The following ENPP7 variants were observed in gnomAD, a reference collection of about 807,000 sequenced individuals.
The protein encoded by ENPP7 is ectonucleotide pyrophosphatase/phosphodiesterase 7.
ENPP7 carries 39 observed loss-of-function variants against 33.6 expected under a neutral mutation model. The ratio of observed to expected loss-of-function variants is 1.16; its 90% CI spans 0.90 to 1.52. The LOEUF (loss-of-function observed/expected upper bound fraction) is 1.52. Among genes scored for constraint, ENPP7 ranks in the 40% most tolerant of loss-of-function variants. The probability of loss-of-function intolerance (pLI) is 0.00; values close to 1 mark genes in which losing one functional copy is unlikely to be tolerated. For missense variants in ENPP7, 594 were observed against 641.0 expected, an observed-to-expected ratio of 0.93 and a Z score of 0.79; for synonymous variants, 244 against 274.3, an observed-to-expected ratio of 0.89 and a Z score of 1.09.
chr17:79,736,330 C>T (rs748091451), intron 3 of ENPP7, among the ~76,000 whole-genome samples: 29 of 152,216 alleles, frequency 1.9e-4, no homozygotes, highest in Non-Finnish European at 2.2e-4. Context: ...TGAGCCACTG[C>T]GTCTGGCCTC....
rs376245774 is a variant in ENPP7 at position 79,735,130 on chromosome 17, G to A, written c.487G>A (p.Ala163Thr). ...GACGCGGAGCCGGAAAGAAGGCATCGCACACAACTACAAAAATGAGACGGA... is the reference window on the plus strand; with the variant it reads ...GACGCGGAGCCGGAAAGAAGGCATCACACACAACTACAAAAATGAGACGGA... ...AVTRSRKEGI[A>T]HNYKNETEWR... The change falls in exon 3 of 6, where the codon GCA becomes ACA. Residue 163 changes from alanine (A) to threonine (T), a missense_variant. Physicochemically the swap from Ala to Thr is moderately conservative, Grantham distance 58. Transcript: ENST00000328313. This position sits in a 1 kb window ranked among gnomAD's most constrained non-coding sequence, Gnocchi z 5.5. 12 of 1,612,992 alleles carry A rather than the reference G, an allele frequency of 7.4e-6. No individual in the cohort carries two copies. The highest frequency in any genetic ancestry group is 4.4e-5 in the South Asian group (4 of 91,090).
intron 3 of ENPP7, among the ~76,000 whole-genome samples, chr17:79,736,582 A>T (rs1285514608): frequency 6.8e-6 from 1 of 146,318 alleles, no homozygotes; most frequent in African/African-American, 2.6e-5. Flanking sequence ...TGTGCGTCCT[A>T]CGTGTCCAGG....
rs957382839 is a variant in ENPP7, at chr17:79,735,711, C to T, written c.1026+42C>T. On this transcript the variant is annotated intron_variant, in intron 3 of 5. Transcript: ENST00000328313. The surrounding 1 kb of genome is among the most constrained non-coding windows in gnomAD (Gnocchi z 5.5). ...AGGCACCACCTCCAGGGGCTCCCTC[C>T]CCAGGCTCTGGGTCTTCTTTTTTTT... is the stretch of plus-strand genomic sequence containing the variant. 3 of 1,551,064 alleles carry T rather than the reference C, an allele frequency of 1.9e-6. No individual in the cohort carries two copies. Among genetic ancestry groups the T allele is most frequent in the Non-Finnish European group, 2.6e-6 (3 of 1,151,076 alleles).
chr17:79,740,601 T>C (rs1192674741), intron 5 of ENPP7, among the ~76,000 whole-genome samples: 1 of 152,170 alleles, frequency 6.6e-6, no homozygotes, highest in South Asian at 2.1e-4. Flanking sequence ...TCAGAAAAAG[T>C]CATTATTCAG....
chr17:79,732,605 C>A (rs1397245572), intron 1 of ENPP7, among the ~76,000 whole-genome samples: 2 of 152,180 alleles, frequency 1.3e-5, no homozygotes, highest in African/African-American at 2.4e-5. Context: ...CATTCCTGGG[C>A]TGGCGGCAGC....
intron 1 of ENPP7, 145 bp from the exon 2 acceptor site, chr17:79,733,363 C>T (rs2094289680): frequency 1.3e-6 from 1 of 775,084 alleles, no homozygotes. Context: ...GAAGTCTGCT[C>T]CCCCCAGCCC....
rs1404270437 is a variant in ENPP7 at position 79,742,141 on chromosome 17, G to GA, written c.*365dup. On this transcript the variant is annotated 3_prime_UTR_variant, in exon 6 of 6. Coordinates refer to ENST00000328313, the MANE Select transcript of ENPP7 (RefSeq NM_178543.5). ...AGCTCTGCGGGCGCTGGAACCTGCA[G>GA]ACCCGGCCTCGGTCAGCTGGGAGGG... 1 of 168,774 alleles carries GA rather than the reference G, an allele frequency of 5.9e-6. No homozygotes were observed. The highest frequency in any genetic ancestry group is 1.2e-5 in the Non-Finnish European group (1 of 83,192). 10.5% of individuals were successfully genotyped at this position (168,774 alleles called of 1,614,324 possible). A position where few individuals can be genotyped will look rare whatever the true frequency, so the allele number is the denominator to read the frequency against.
At position 79,738,176 on chromosome 17, in the gene ENPP7, A is replaced by T; in HGVS notation, c.*16+114A>T. On this transcript the variant is annotated intron_variant, in intron 5 of 5. Transcript: ENST00000328313. This position sits in a 1 kb window ranked among gnomAD's most constrained non-coding sequence, Gnocchi z 6.2. ...AGAACAGAGCTGCCAGGCCCCGCCA[A>T]GCAGGTGACTCCCACTGACCTGGCT... is the stretch of plus-strand genomic sequence containing the variant. The T allele has an allele frequency of 9.0e-7, 1 of 1,106,674 alleles. No homozygotes were observed. The highest frequency in any genetic ancestry group is 1.3e-6 in the Non-Finnish European group (1 of 769,748). The allele number at this position is 1,106,674 out of a possible 1,614,324, so 68.6% of individuals were successfully genotyped here. A position where few individuals can be genotyped will look rare whatever the true frequency, so the allele number is the denominator to read the frequency against.
Position 79,741,986 on chromosome 17 carries a change from G to A in ENPP7, c.*209G>A. On this transcript the variant is annotated 3_prime_UTR_variant, in exon 6 of 6. Transcript: ENST00000328313. ...CTCGCAGCCCAGGTCCAGAGCCCCC[G>A]GCGAGCCGGTCCCATAACCGGCCCC... 1 of 984,348 alleles carries A rather than the reference G, an allele frequency of 1.0e-6. No homozygotes were observed. The allele number at this position is 984,348 out of a possible 1,614,324, so 61.0% of individuals were successfully genotyped here.
In ENPP7 at chr17:79,735,535, G is replaced by A. The variant is rs782599171; in HGVS notation, c.892G>A (p.Asp298Asn). The A allele has an allele frequency of 1.4e-5, 22 of 1,613,806 alleles. No homozygotes were observed. Among genetic ancestry groups the A allele is most frequent in the South Asian group, 4.4e-5 (4 of 91,082 alleles). Reference protein sequence around the residue: ...PKEGRLEKVYDALKDAHPKLH... With the variant: ...PKEGRLEKVYNALKDAHPKLH... ...AGAAGGGAGGCTGGAGAAGGTGTAC[G>A]ATGCCCTCAAGGACGCCCACCCCAA... The change falls in exon 3 of 6, where the codon GAT becomes AAT. Residue 298 changes from aspartate (D) to asparagine (N), a missense_variant. By Grantham distance (23) the Asp-to-Asn change is conservative. Transcript: ENST00000328313. The surrounding 1 kb of genome is among the most constrained non-coding windows in gnomAD (Gnocchi z 5.5).
Position 79,731,310 on chromosome 17 carries a change from G to A in ENPP7, c.171G>A (p.Met57Ile), listed in dbSNP as rs2094284895. Reference sequence around the variant, plus strand: ...TGGACACCCCCAACCTGGACGCCATGGCCCGAGACGGGGTGAAGGCACGCT... The same window carrying A: ...TGGACACCCCCAACCTGGACGCCATAGCCCGAGACGGGGTGAAGGCACGCT... ...QDVDTPNLDA[M>I]ARDGVKARYM... Residue 57 changes from methionine to isoleucine, a missense_variant, in exon 1 of 6, where the codon ATG becomes ATA. Met to Ile is a conservative substitution (Grantham distance 10). Coordinates refer to ENST00000328313, the MANE Select transcript of ENPP7 (RefSeq NM_178543.5). 6.2e-7 allele frequency: 1 copy of A among 1,613,932 alleles called. No individual in the cohort carries two copies. The highest frequency in any genetic ancestry group is 1.7e-5 in the Admixed American group (1 of 60,022).
chr17:79,732,134 A>ATATATATATACATATATATATATG (rs2094287240), intron 1 of ENPP7, among the ~76,000 whole-genome samples: 2 of 60,098 alleles, frequency 3.3e-5, no homozygotes, highest in Admixed American at 2.0e-4. Context: ...ATATATATGT[A>ATATATATATACATATATATATATG]TATATATATA....
rs1555824013 is a variant in ENPP7 at position 79,738,075 on chromosome 17, G to A, written c.*16+13G>A. ...CCCATGGCTCAAGGTCAGAGACCCA[G>A]AAGGCAGAGGCGGGAGGGTGGCCCC... On this transcript the variant is annotated intron_variant, in intron 5 of 5. Transcript: ENST00000328313. The surrounding 1 kb of genome is among the most constrained non-coding windows in gnomAD (Gnocchi z 6.2). 1.2e-6 allele frequency: 2 copies of A among 1,602,982 alleles called. No individual in the cohort carries two copies.
In ENPP7 at chr17:79,733,581, C is replaced by T; in HGVS notation, c.327C>T (p.Tyr109=). The T allele has an allele frequency of 6.2e-7, 1 of 1,613,592 alleles. No individual in the cohort carries two copies. The highest frequency in any genetic ancestry group is 2.2e-5 in the East Asian group (1 of 44,890). Residue 109 remains tyrosine, a synonymous_variant, in exon 2 of 6, where the codon TAC becomes TAT. Transcript: ENST00000328313. The part of the protein sequence containing the change: ...YNTTSKVKLP[Y]HATLGIQRWW... ...CCACCAGCAAGGTGAAGCTGCCCTA[C>T]CACGCCACGCTGGGCATCCAGAGGT...
At chr17:79,736,534 GGCGT>G (rs1454665248) in intron 3 of ENPP7, among the ~76,000 whole-genome samples, 2 of 110,902 alleles carry the variant, frequency 1.8e-5, no homozygotes, top group African/African-American at 1.1e-4. Flanking sequence ...CTGTGTGATA[GGCGT>G]GTGTGTGTGT....
intron 1 of ENPP7, 107 bp downstream of exon 1, chr17:79,731,499 C>A: frequency 7.5e-7 from 1 of 1,340,980 alleles, no homozygotes; most frequent in Non-Finnish European, 1.0e-6. Flanking sequence ...GCTCCAGGCA[C>A]AGGACAGAGC....
intron 2 of ENPP7, 85 bp downstream of exon 2, chr17:79,733,738 G>A (rs1436364638): frequency 2.4e-5 from 33 of 1,394,832 alleles, no homozygotes; most frequent in Middle Eastern, 2.5e-4. Flanking sequence ...TGAGATCCAC[G>A]GCAGGTCCCT....
chr17:79,735,728 C>A lies in ENPP7; in HGVS notation c.1026+59C>A. 4.8e-6 allele frequency: 6 copies of A among 1,244,936 alleles called. No homozygotes were observed. Among genetic ancestry groups the A allele is most frequent in the Non-Finnish European group, 6.5e-6 (6 of 918,518 alleles). 77.1% of individuals were successfully genotyped at this position (1,244,936 alleles called of 1,614,324 possible). ...GCTCCCTCCCCAGGCTCTGGGTCTT[C>A]TTTTTTTTTTTTTGAGACCAGGGTC... is the stretch of plus-strand genomic sequence containing the variant. On this transcript the variant is annotated intron_variant, in intron 3 of 5. Transcript: ENST00000328313. This position sits in a 1 kb window ranked among gnomAD's most constrained non-coding sequence, Gnocchi z 5.5.
chr17:79,739,165 G>T lies in ENPP7; in HGVS notation c.*16+1103G>T, dbSNP rs1291764739. 1 of 152,890 alleles carries T rather than the reference G, an allele frequency of 6.5e-6. No individual in the cohort carries two copies. The highest frequency in any genetic ancestry group is 1.5e-5 in the Non-Finnish European group (1 of 68,398). 9.5% of individuals were successfully genotyped at this position (152,890 alleles called of 1,614,324 possible). ...AGCCAGACACACCAGGCAGGGGAAAGAGCCAGGGACAGGCCCGCGGTGGGA... is the reference window on the plus strand; with the variant it reads ...AGCCAGACACACCAGGCAGGGGAAATAGCCAGGGACAGGCCCGCGGTGGGA... On this transcript the variant is annotated intron_variant, in intron 5 of 5. Transcript: ENST00000328313. This position sits in a 1 kb window ranked among gnomAD's most constrained non-coding sequence, Gnocchi z 4.4.
Sources: gnomAD v4.1 joint callset for allele counts (sites outside exome capture counted in the v4.1 genomes callset) on GRCh38, gnomAD v4.1.1 for gene constraint, Gnocchi (gnomAD v3.1) non-coding constraint, MANE v1.5 for transcripts, NCBI Gene and HGNC (gene_info 2026-07-23, HGNC 2026-07-21) for gene names.